The following TEKT5 variants were observed in gnomAD, a reference collection of about 807,000 sequenced individuals.
The protein encoded by TEKT5 is tektin 5.
A neutral mutation model predicts 48.7 loss-of-function variants in TEKT5; 52 were observed. The ratio of observed to expected loss-of-function variants is 1.07; its 90% CI spans 0.86 to 1.35. The LOEUF (loss-of-function observed/expected upper bound fraction) is 1.35. Ranked by LOEUF, TEKT5 falls within the 40% of genes most tolerant of loss-of-function variation. The pLI is 0.00. For synonymous variants in TEKT5, 318 were observed against 267.6 expected, an observed-to-expected ratio of 1.19 and a Z score of -1.84; for missense variants, 831 against 641.6, an observed-to-expected ratio of 1.30 and a Z score of -3.19.
chr16:10,665,604 G>C (rs1302156429), intron 5 of TEKT5, among the ~76,000 whole-genome samples: 1 of 152,118 alleles, frequency 6.6e-6, no homozygotes, highest in Non-Finnish European at 1.5e-5. Context: ...ATTTGGCATA[G>C]TGTTCCCATG....
chr16:10,630,641 G>C (rs1030392024), intron 6 of TEKT5, among the ~76,000 whole-genome samples: 4 of 152,158 alleles, frequency 2.6e-5, no homozygotes, highest in Admixed American at 2.0e-4. Context: ...CATCAAATAT[G>C]GTACCCACCA....
chr16:10,667,295 G>C (rs985154978), intron 5 of TEKT5, among the ~76,000 whole-genome samples: 1 of 152,028 alleles, frequency 6.6e-6, no homozygotes, highest in Admixed American at 6.6e-5. Flanking sequence ...CCTTCCTTAC[G>C]TATGTTAAAG....
At chr16:10,674,712 C>A (rs118116939) in intron 5 of TEKT5, among the ~76,000 whole-genome samples, 2 of 150,806 alleles carry the variant, frequency 1.3e-5, no homozygotes, top group Admixed American at 6.6e-5. Flanking sequence ...ACCAGATCAA[C>A]GGGTGGCAGA....
intron 5 of TEKT5, among the ~76,000 whole-genome samples, chr16:10,663,563 G>C (rs985111870): frequency 6.6e-6 from 1 of 152,172 alleles, no homozygotes; most frequent in African/African-American, 2.4e-5. Flanking sequence ...CAAGGAGAGA[G>C]AGAAAGAGGA....
chr16:10,639,121 A>G (rs1468059158), intron 5 of TEKT5, among the ~76,000 whole-genome samples: 2 of 152,096 alleles, frequency 1.3e-5, no homozygotes, highest in Admixed American at 6.5e-5. Context: ...CCTGGCCAAC[A>G]GAGCAAGACC....
chr16:10,673,927 C>T (rs1320872815), intron 5 of TEKT5, among the ~76,000 whole-genome samples: 4 of 152,088 alleles, frequency 2.6e-5, no homozygotes, highest in South Asian at 4.1e-4. Context: ...GCTGGGATTA[C>T]AGCCGTGAAC....
chr16:10,687,802 C>T (rs936647911), intron 3 of TEKT5, among the ~76,000 whole-genome samples: 1 of 152,144 alleles, frequency 6.6e-6, no homozygotes, highest in Non-Finnish European at 1.5e-5. Flanking sequence ...ATTTTATTTA[C>T]TGAATTGATT....
intron 1 of TEKT5, among the ~76,000 whole-genome samples, chr16:10,693,444 C>T (rs960932514): frequency 5.3e-5 from 8 of 152,214 alleles, no homozygotes; most frequent in African/African-American, 1.7e-4. Context: ...TGAATGCCTA[C>T]TCTGTGCTTC....
intron 3 of TEKT5, among the ~76,000 whole-genome samples, chr16:10,688,698 A>C (rs1367562852): frequency 6.6e-6 from 1 of 152,166 alleles, no homozygotes; most frequent in Non-Finnish European, 1.5e-5. Context: ...GTCTCCCTTT[A>C]ATTATGTGAG....
chr16:10,643,549 A>G (rs1898026228), intron 5 of TEKT5, among the ~76,000 whole-genome samples: 2 of 152,220 alleles, frequency 1.3e-5, no homozygotes, highest in Admixed American at 1.3e-4. Flanking sequence ...TATGGCTGTT[A>G]AGCCCTTGAA....
chr16:10,654,404 GT>G (rs1321799803), intron 5 of TEKT5, among the ~76,000 whole-genome samples: 23 of 152,250 alleles, frequency 1.5e-4, no homozygotes, highest in African/African-American at 5.3e-4. Context: ...AATTGTATAT[GT>G]TAACTTAAAG....
At chr16:10,630,116 T>C (rs1897816490) in intron 6 of TEKT5, among the ~76,000 whole-genome samples, 1 of 152,038 alleles carries the variant, frequency 6.6e-6, no homozygotes, top group Non-Finnish European at 1.5e-5. Flanking sequence ...TAATGTTTTG[T>C]AGAGACAGGG....
intron 5 of TEKT5, among the ~76,000 whole-genome samples, chr16:10,664,162 G>C (rs188275813): frequency 1.8e-4 from 27 of 152,206 alleles, no homozygotes; most frequent in African/African-American, 6.5e-4. Context: ...TCCCCCTCTA[G>C]AATGTAAGCC....
chr16:10,651,852 C>G (rs899902016), intron 5 of TEKT5, among the ~76,000 whole-genome samples: 2 of 152,096 alleles, frequency 1.3e-5, no homozygotes, highest in African/African-American at 4.8e-5. Flanking sequence ...ATCCAAGCTA[C>G]TTGAGAGGCT....
intron 3 of TEKT5, among the ~76,000 whole-genome samples, chr16:10,684,425 T>G: frequency 6.6e-6 from 1 of 151,100 alleles, no homozygotes; most frequent in Non-Finnish European, 1.5e-5. Context: ...CTGTGGATGT[T>G]GGTTGCGGGT....
At chr16:10,636,690 CGT>C (rs34623422) in intron 5 of TEKT5, among the ~76,000 whole-genome samples, 14,147 of 145,090 alleles carry the variant, frequency 0.098, 826 homozygotes, top group East Asian at 0.24. Context: ...TACATACATA[CGT>C]GTGTGTGTGT....
chr16:10,689,471 CCACGTGA>C, intron 2 of TEKT5, 148 bp from the exon 3 acceptor site: 1 of 638,140 alleles, frequency 1.6e-6, no homozygotes, highest in Non-Finnish European at 2.7e-6. Context: ...CCGCCTCAAT[CCACGTGA>C]CCCCAGGGCC....
intron 4 of TEKT5, among the ~76,000 whole-genome samples, chr16:10,679,061 C>T (rs1294961353): frequency 2.6e-5 from 4 of 152,130 alleles, no homozygotes; most frequent in African/African-American, 7.2e-5. Flanking sequence ...TTCACCTCTC[C>T]GAGCCTTAGT....
At chr16:10,671,941 G>A (rs1567232742) in intron 5 of TEKT5, among the ~76,000 whole-genome samples, 2 of 152,114 alleles carry the variant, frequency 1.3e-5, no homozygotes, top group East Asian at 1.9e-4. Context: ...TGGTTTATGG[G>A]AGCTATAATT....
Sources: gnomAD v4.1 joint callset for allele counts (sites outside exome capture counted in the v4.1 genomes callset) on GRCh38, gnomAD v4.1.1 for gene constraint, MANE v1.5 for transcripts, NCBI Gene and HGNC (gene_info 2026-07-23, HGNC 2026-07-21) for gene names.